CREM: variants seen among roughly 807,000 people sequenced by gnomAD.
CREM encodes the protein cAMP responsive element modulator.
CREM carries 13 observed loss-of-function variants against 37.3 expected under a neutral mutation model. The observed-to-expected ratio is 0.35, with a 90% confidence interval of 0.23 to 0.55. CREM has a LOEUF of 0.55. Ranked by LOEUF, CREM falls within the 20% of genes least tolerant of loss-of-function variation. The pLI is 0.88. For missense variants in CREM, 296 were observed against 362.3 expected (o/e 0.82, Z 1.49); for synonymous variants, 124 against 120.2 (o/e 1.03, Z -0.21).
chr10:35,178,816 T>A lies in CREM; in HGVS notation c.169-73T>A, dbSNP rs1040635170. ...GGCTCAGTGCTGCACACACAGACTC[T>A]TAGCCTCAATTTTTTGAATGAGGGA... On this transcript the variant is annotated intron_variant, in intron 3 of 7. Coordinates refer to ENST00000685392, the MANE Select transcript of CREM (RefSeq NM_183011.2). 3 of 1,248,424 alleles carry A rather than the reference T, an allele frequency of 2.4e-6. No homozygotes were observed. The African/African-American group carries it at 4.5e-5, about 19-fold the overall frequency. 77.3% of individuals were successfully genotyped at this position (1,248,424 alleles called of 1,614,324 possible). A position where few individuals can be genotyped will look rare whatever the true frequency, so the allele number is the denominator to read the frequency against.
At chr10:35,176,557 G>A (rs1241148233) in intron 3 of CREM, among the ~76,000 whole-genome samples, 3 of 151,764 alleles carry the variant, frequency 2.0e-5, no homozygotes, top group African/African-American at 4.8e-5. Flanking sequence ...ACAGGCGCCC[G>A]CCACCATGCG....
intron 6 of CREM, among the ~76,000 whole-genome samples, chr10:35,202,699 A>G (rs1193347246): frequency 6.6e-6 from 1 of 152,256 alleles, no homozygotes; most frequent in Non-Finnish European, 1.5e-5. Context: ...CTACTAATTT[A>G]TACTAACTCC....
chr10:35,166,822 C>G (rs947566152), intron 3 of CREM, among the ~76,000 whole-genome samples: 1 of 152,138 alleles, frequency 6.6e-6, no homozygotes, highest in Non-Finnish European at 1.5e-5. Flanking sequence ...GTTTGTCTTA[C>G]TCAGCACAAT....
intron 3 of CREM, among the ~76,000 whole-genome samples, chr10:35,168,122 G>A (rs1017101014): frequency 2.0e-5 from 3 of 152,146 alleles, no homozygotes; most frequent in African/African-American, 7.2e-5. Flanking sequence ...CCCAGTAATG[G>A]GATGGCTGGG....
At position 35,192,977 on chromosome 10, in the gene CREM, G is replaced by A. The variant is rs552265921; in HGVS notation, c.598+4589G>A. Among the ~76,000 whole-genome samples, 3 of 152,212 alleles carry A rather than the reference G, an allele frequency of 2.0e-5. No individual in the cohort carries two copies. In the East Asian group the frequency reaches 5.8e-4, roughly 29 times the overall value. On this transcript the variant is annotated intron_variant, in intron 6 of 7. Transcript: ENST00000685392. Reference sequence around the variant, plus strand: ...CTCTTTCTTTCATTTCCTGGGATAGGCCATGCCCTCTCTCCCTCCAGGGCC... The same window carrying A: ...CTCTTTCTTTCATTTCCTGGGATAGACCATGCCCTCTCTCCCTCCAGGGCC...
chr10:35,160,907 T>C (rs1271114153), intron 3 of CREM, among the ~76,000 whole-genome samples: 4 of 151,460 alleles, frequency 2.6e-5, no homozygotes, highest in African/African-American at 9.8e-5. Flanking sequence ...CTTCATATCC[T>C]GTCCCATTGG....
At chr10:35,134,816 T>C (rs1017890246) in intron 1 of CREM, among the ~76,000 whole-genome samples, 1 of 152,020 alleles carries the variant, frequency 6.6e-6, no homozygotes, top group African/African-American at 2.4e-5. Context: ...GGCAGGCGGA[T>C]CACTTGAAGT....
chr10:35,148,996 T>G (rs1436113514), intron 3 of CREM, among the ~76,000 whole-genome samples: 1 of 152,224 alleles, frequency 6.6e-6, no homozygotes, highest in African/African-American at 2.4e-5. Flanking sequence ...TAAACACATT[T>G]GTTAGTTCAT....
At chr10:35,129,900 T>G (rs566577376) in intron 1 of CREM, among the ~76,000 whole-genome samples, 7 of 152,244 alleles carry the variant, frequency 4.6e-5, no homozygotes, top group Admixed American at 4.6e-4. Flanking sequence ...CACAGGAACT[T>G]AAAAATCCAG....
At chr10:35,194,622 G>GATGGTGTA (rs765834731) in intron 6 of CREM, among the ~76,000 whole-genome samples, 6 of 152,136 alleles carry the variant, frequency 3.9e-5, no homozygotes, top group Middle Eastern at 3.2e-3. Flanking sequence ...TGGATTTTTT[G>GATGGTGTA]ATGGTGTAGC....
Position 35,211,776 on chromosome 10 carries a change from C to T in CREM, c.*378C>T. The T allele has an allele frequency of 6.2e-7, 1 of 1,612,700 alleles. No individual in the cohort carries two copies. Among genetic ancestry groups the T allele is most frequent in the South Asian group, 1.1e-5 (1 of 90,652 alleles). On this transcript the variant is annotated 3_prime_UTR_variant, in exon 8 of 8. Transcript: ENST00000685392. ...TAGAGGAACTTGAAACCTTGAAAGA[C>T]ATTTGTTCTCCCAAAACAGATTACT...
intron 6 of CREM, among the ~76,000 whole-genome samples, chr10:35,190,805 G>C (rs1043724225): frequency 1.9e-4 from 29 of 152,044 alleles, no homozygotes; most frequent in Non-Finnish European, 2.6e-4. Context: ...GGGACTACAG[G>C]CGCCTGCCAC....
intron 5 of CREM, among the ~76,000 whole-genome samples, chr10:35,182,444 A>G (rs1338556318): frequency 6.6e-6 from 1 of 151,820 alleles, no homozygotes; most frequent in East Asian, 1.9e-4. Flanking sequence ...TTAATTGTTC[A>G]GCTTTTATCC....
chr10:35,159,575 CT>C (rs778545400), intron 3 of CREM, among the ~76,000 whole-genome samples: 2 of 152,280 alleles, frequency 1.3e-5, no homozygotes, highest in South Asian at 2.1e-4. Context: ...CAAAAATCAA[CT>C]CTTGAAAATG....
intron 2 of CREM, among the ~76,000 whole-genome samples, chr10:35,145,497 C>T (rs928158722): frequency 2.6e-5 from 4 of 152,104 alleles, no homozygotes; most frequent in African/African-American, 4.8e-5. Flanking sequence ...CAAGAAATTA[C>T]GGCCAGTTGC....
At chr10:35,135,994 T>A (rs2090445448) in intron 1 of CREM, among the ~76,000 whole-genome samples, 1 of 152,114 alleles carries the variant, frequency 6.6e-6, no homozygotes, top group African/African-American at 2.4e-5. Flanking sequence ...TCATCCTGAG[T>A]CAGGGTCAAG....
intron 1 of CREM, among the ~76,000 whole-genome samples, chr10:35,133,672 C>T (rs1187674040): frequency 6.6e-6 from 1 of 152,238 alleles, no homozygotes; most frequent in Non-Finnish European, 1.5e-5. Flanking sequence ...ACTTAGTCTT[C>T]AGAGAAACAG....
chr10:35,189,169 G>A (rs890781169), intron 6 of CREM, among the ~76,000 whole-genome samples: 1 of 145,490 alleles, frequency 6.9e-6, no homozygotes, highest in Non-Finnish European at 1.5e-5. Context: ...GCTGACTTTG[G>A]GTTTTTTGTT....
intron 3 of CREM, among the ~76,000 whole-genome samples, chr10:35,153,156 ATTGC>A (rs1425145795): frequency 1.3e-5 from 2 of 151,306 alleles, no homozygotes; most frequent in African/African-American, 2.4e-5. Context: ...AGACCAGTGG[ATTGC>A]TTGAGCCCAG....
Sources: allele counts gnomAD v4.1 joint callset (sites outside exome capture counted in the v4.1 genomes callset), GRCh38; gene constraint gnomAD v4.1.1; transcripts MANE v1.5; gene names NCBI Gene and HGNC (gene_info 2026-07-23, HGNC 2026-07-21).